Variants in RDH11 observed in about 807,000 individuals in gnomAD.
RDH11 encodes the protein retinol dehydrogenase 11.
Under a neutral mutation model 33.4 loss-of-function variants are expected in RDH11, and 19 were observed. The ratio of observed to expected loss-of-function variants is 0.57; its 90% CI spans 0.40 to 0.83. The LOEUF is 0.83. Among genes scored for constraint, RDH11 ranks in the 40% least tolerant of loss-of-function variants. RDH11 has a pLI of 0.00. For synonymous variants in RDH11, 154 were observed against 155.3 expected (o/e 0.99, Z 0.06); for missense variants, 353 against 389.0 (o/e 0.91, Z 0.78).
At chr14:67,691,119 T>C (rs761710138) in intron 4 of RDH11, 21 bp downstream of exon 4, 1 of 1,562,028 alleles carries the variant, frequency 6.4e-7, no homozygotes, top group Non-Finnish European at 8.8e-7. Flanking sequence ...TCTAGCTTTG[T>C]GATAAGGCCA....
intron 6 of RDH11, among the ~76,000 whole-genome samples, chr14:67,683,565 T>C (rs1026999855): frequency 4.6e-5 from 7 of 152,298 alleles, no homozygotes; most frequent in African/African-American, 1.4e-4. Flanking sequence ...CCCCTCAATA[T>C]AGTTTGAAGA....
chr14:67,685,207 G>T lies in RDH11; in HGVS notation c.665-3C>A. 6.2e-7 allele frequency: 1 copy of T among 1,608,356 alleles called. No homozygotes were observed. ...AGAATACGTCGTAACGCCAGAGCCT[G>T]GTTGGGGGTGGCATGAAGAGAGGGT... On this transcript the variant is annotated splice_region_variant and splice_polypyrimidine_tract_variant and intron_variant, in intron 5 of 6. Transcript: ENST00000381346.
chr14:67,682,378 T>C (rs1594848085), intron 6 of RDH11, among the ~76,000 whole-genome samples: 1 of 152,200 alleles, frequency 6.6e-6, no homozygotes, highest in African/African-American at 2.4e-5. Flanking sequence ...GGAACTCGCA[T>C]CTAGACTATT....
intron 6 of RDH11, among the ~76,000 whole-genome samples, chr14:67,679,914 G>A (rs192858007): frequency 6.6e-6 from 1 of 152,282 alleles, no homozygotes; most frequent in African/African-American, 2.4e-5. Context: ...TGCTTCCTCA[G>A]TATCTAAGCA....
At chr14:67,682,498 G>T (rs1422781092) in intron 6 of RDH11, among the ~76,000 whole-genome samples, 1 of 152,122 alleles carries the variant, frequency 6.6e-6, no homozygotes, top group East Asian at 1.9e-4. Flanking sequence ...AAAAGCGCAT[G>T]AAAGAATGTT....
chr14:67,689,882 C>T (rs1273955471), intron 5 of RDH11, among the ~76,000 whole-genome samples: 1 of 151,582 alleles, frequency 6.6e-6, no homozygotes, highest in Non-Finnish European at 1.5e-5. Context: ...AAGTGGAGGT[C>T]GGCAGTGAGC....
intron 3 of RDH11, 34 bp downstream of exon 3, chr14:67,692,404 A>G: frequency 6.2e-7 from 1 of 1,610,532 alleles, no homozygotes; most frequent in South Asian, 1.1e-5. Flanking sequence ...TGACCTCAAG[A>G]CCCACAACAT....
chr14:67,694,451 T>TATACAC (rs1555387446), intron 1 of RDH11, among the ~76,000 whole-genome samples: 7 of 143,788 alleles, frequency 4.9e-5, no homozygotes, highest in Non-Finnish European at 1.1e-4. Context: ...TATATATATA[T>TATACAC]ACACACACAC....
intron 5 of RDH11, among the ~76,000 whole-genome samples, chr14:67,689,836 C>A (rs1247119176): frequency 6.6e-6 from 1 of 151,904 alleles, no homozygotes; most frequent in East Asian, 1.9e-4. Context: ...CCCAGCTACT[C>A]AGGAGGCTGA....
At chr14:67,678,568 C>T (rs1339011564) in intron 6 of RDH11, 145 bp from the exon 7 acceptor site, 8 of 580,258 alleles carry the variant, frequency 1.4e-5, no homozygotes, top group Non-Finnish European at 2.5e-5. Context: ...CTTATCTCTT[C>T]ATTCTCCAGT....
chr14:67,686,540 G>A (rs1368058736), intron 5 of RDH11, among the ~76,000 whole-genome samples: 1 of 151,002 alleles, frequency 6.6e-6, no homozygotes, highest in Non-Finnish European at 1.5e-5. Flanking sequence ...TTGGGAGGCT[G>A]AGGCAGGAGA....
intron 5 of RDH11, among the ~76,000 whole-genome samples, chr14:67,686,701 T>A (rs964551047): frequency 6.6e-6 from 1 of 150,704 alleles, no homozygotes; most frequent in Non-Finnish European, 1.5e-5. Flanking sequence ...CTTTTGCACA[T>A]GCTATTTCAG....
chr14:67,677,452 T>C lies in RDH11; in HGVS notation c.*869A>G, dbSNP rs1446275088. The C allele has an allele frequency of 2.9e-5, 4 of 135,810 alleles. No homozygotes were observed. The highest frequency in any genetic ancestry group is 2.7e-5 in the African/African-American group (1 of 37,652). The allele number at this position is 135,810 out of a possible 1,614,324, so 8.4% of individuals were successfully genotyped here. A position where few individuals can be genotyped will look rare whatever the true frequency, so the allele number is the denominator to read the frequency against. ...TGGGTGCTTGCCCTCAATTCCTCCA[T>C]AGCTATGTTAGCATATTTAATATCT... On this transcript the variant is annotated 3_prime_UTR_variant, in exon 7 of 7. Coordinates refer to ENST00000381346, the MANE Select transcript of RDH11 (RefSeq NM_016026.4).
rs1421238222 is a variant in RDH11 at position 67,692,527 on chromosome 14, G to A, written c.260C>T (p.Thr87Ile). The change falls in exon 3 of 7, where the codon ACC (threonine) becomes ATC (isoleucine). Residue 87 changes from threonine to isoleucine, a missense_variant. Thr to Ile is a moderately conservative substitution (Grantham distance 89). Transcript: ENST00000381346. ...CAACACCTGCTGGTTCCCTGTCGTGGTCTGGATCTCTTTGGCCACCAATTC... is the reference window on the plus strand; with the variant it reads ...CAACACCTGCTGGTTCCCTGTCGTGATCTGGATCTCTTTGGCCACCAATTC... ...KGELVAKEIQTTTGNQQVLVR... is the reference protein window; with the variant it reads ...KGELVAKEIQITTGNQQVLVR... 1 of 1,612,698 alleles carries A rather than the reference G, an allele frequency of 6.2e-7. No individual in the cohort carries two copies. The highest frequency in any genetic ancestry group is 1.3e-5 in the African/African-American group (1 of 74,842).
intron 5 of RDH11, among the ~76,000 whole-genome samples, chr14:67,689,798 G>C (rs1240086016): frequency 6.6e-6 from 1 of 152,032 alleles, no homozygotes; most frequent in African/African-American, 2.4e-5. Flanking sequence ...ACAAAAATTA[G>C]CCAGGCCTGG....
intron 4 of RDH11, 149 bp from the exon 5 acceptor site, chr14:67,690,570 A>G (rs1203747378): frequency 1.4e-5 from 9 of 662,044 alleles, no homozygotes; most frequent in African/African-American, 5.4e-5. Flanking sequence ...AACAAGTTTA[A>G]TGAAGGTTTA....
At chr14:67,694,713 A>G (rs553050997) in intron 1 of RDH11, among the ~76,000 whole-genome samples, 4 of 152,250 alleles carry the variant, frequency 2.6e-5, no homozygotes, top group South Asian at 4.1e-4. Flanking sequence ...CAGAAAAAAT[A>G]TAACTGGAAG....
In RDH11 at chr14:67,690,318, G is replaced by A. The variant is rs988520902; in HGVS notation, c.558C>T (p.His186=). ...SSLAHHLGRI[H]FHNLQGEKFY... is the part of the protein sequence containing the mutation. ...ATTTCTCGCCCTGCAGGTTATGGAAGTGGATCCTTCCCAGGTGATGTGCGA... is the reference window on the plus strand; with the variant it reads ...ATTTCTCGCCCTGCAGGTTATGGAAATGGATCCTTCCCAGGTGATGTGCGA... The change falls in exon 5 of 7, where the codon CAC becomes CAT. Residue 186 remains histidine (H), a synonymous_variant. Transcript: ENST00000381346. The A allele has an allele frequency of 1.9e-6, 3 of 1,614,186 alleles. No homozygotes were observed. The highest frequency in any genetic ancestry group is 2.5e-6 in the Non-Finnish European group (3 of 1,180,018).
At chr14:67,678,971 G>T (rs1392033596) in intron 6 of RDH11, among the ~76,000 whole-genome samples, 1 of 152,194 alleles carries the variant, frequency 6.6e-6, no homozygotes, top group Non-Finnish European at 1.5e-5. Context: ...TAAAACCAAG[G>T]TACGAGGTGT....
Sources: gnomAD v4.1 joint callset for allele counts (sites outside exome capture counted in the v4.1 genomes callset) on GRCh38, gnomAD v4.1.1 for gene constraint, MANE v1.5 for transcripts, NCBI Gene and HGNC (gene_info 2026-07-23, HGNC 2026-07-21) for gene names.